Variants in TENM4 observed in about 807,000 individuals in gnomAD.
TENM4 encodes the protein teneurin-4.
Under a neutral mutation model 243.3 loss-of-function variants are expected in TENM4, and 82 were observed. That is an observed-to-expected ratio of 0.34 (90% confidence interval 0.28 to 0.40). The LOEUF (loss-of-function observed/expected upper bound fraction) is 0.40, where lower values mean the gene tolerates loss of function less well. Among genes scored for constraint, TENM4 ranks in the 10% least tolerant of loss-of-function variants. The pLI is 1.00. For synonymous variants in TENM4, 1,412 were observed against 1,456.3 expected (o/e 0.97, Z 0.69); for missense variants, 3,138 against 3,673.3 (o/e 0.85, Z 3.77).
intron 2 of TENM4, among the ~76,000 whole-genome samples, chr11:79,295,397 G>A (rs940308369): frequency 6.6e-6 from 1 of 152,160 alleles, no homozygotes; most frequent in African/African-American, 2.4e-5. Flanking sequence ...GAAAGGGTTT[G>A]CACACACACA....
At chr11:78,809,040 T>G (rs1316817543) in intron 14 of TENM4, among the ~76,000 whole-genome samples, 2 of 152,216 alleles carry the variant, frequency 1.3e-5, no homozygotes, top group Non-Finnish European at 2.9e-5. Flanking sequence ...TGAAACTGTC[T>G]CTGAGAATCC....
chr11:79,137,905 G>C, intron 4 of TENM4, among the ~76,000 whole-genome samples: 1 of 151,986 alleles, frequency 6.6e-6, no homozygotes, highest in East Asian at 1.9e-4. Flanking sequence ...ATGGGTTCAG[G>C]TTGACAAGGG....
At chr11:79,105,221 A>C (rs1861337430) in intron 4 of TENM4, among the ~76,000 whole-genome samples, 1 of 152,216 alleles carries the variant, frequency 6.6e-6, no homozygotes, top group Non-Finnish European at 1.5e-5. Flanking sequence ...ATTTGGCTTC[A>C]TTTGGAATTC....
At chr11:79,279,179 C>T (rs868556657) in intron 2 of TENM4, among the ~76,000 whole-genome samples, 14 of 152,182 alleles carry the variant, frequency 9.2e-5, no homozygotes, top group Admixed American at 7.9e-4. Flanking sequence ...TGGAGGATTT[C>T]CAATCTGATG....
At chr11:79,032,785 TG>T (rs1316539304) in intron 6 of TENM4, among the ~76,000 whole-genome samples, 7 of 152,310 alleles carry the variant, frequency 4.6e-5, no homozygotes, top group Non-Finnish European at 8.8e-5. Context: ...TCTCCCCTAA[TG>T]TCCCAAGGAA....
intron 1 of TENM4, among the ~76,000 whole-genome samples, chr11:79,435,383 C>A (rs893174520): frequency 6.6e-6 from 1 of 152,120 alleles, no homozygotes; most frequent in African/African-American, 2.4e-5. Flanking sequence ...TTCAAAGTGG[C>A]CCCCACAGCC....
chr11:79,109,685 A>G (rs918650404), intron 4 of TENM4, among the ~76,000 whole-genome samples: 13 of 152,254 alleles, frequency 8.5e-5, no homozygotes, highest in African/African-American at 3.1e-4. Flanking sequence ...TAACGAGTAC[A>G]TGTTTGGAAA....
chr11:79,108,164 G>A (rs1238135066), intron 4 of TENM4, among the ~76,000 whole-genome samples: 1 of 152,302 alleles, frequency 6.6e-6, no homozygotes, highest in South Asian at 2.1e-4. Flanking sequence ...AGGCCTTAGT[G>A]CCCAGTTATT....
At chr11:78,674,207 C>T (rs756036506) in intron 30 of TENM4, among the ~76,000 whole-genome samples, 3 of 152,198 alleles carry the variant, frequency 2.0e-5, no homozygotes, top group Non-Finnish European at 4.4e-5. Flanking sequence ...GCGTCCTGTG[C>T]TCGGCAGTGG....
chr11:79,064,843 G>T lies in TENM4; in HGVS notation c.388C>A (p.Arg130Ser), dbSNP rs367619898. The T allele has an allele frequency of 1.2e-5, 19 of 1,551,328 alleles. No individual in the cohort carries two copies. In the African/African-American group the frequency reaches 1.8e-4, roughly 15 times the overall value. Residue 130 changes from arginine (R) to serine (S), a missense_variant, in exon 6 of 34, where the codon CGT (arginine) becomes AGT (serine). By Grantham distance (110) the Arg-to-Ser change is moderately radical. Coordinates refer to ENST00000278550, the MANE Select transcript of TENM4 (RefSeq NM_001098816.3). ...DTVLSPEHPV[R>S]LWGRSTRSGR... Reference sequence around the variant, plus strand: ...GACCGTGTGCTCCGGCCCCACAGACGCACGGGGTGCTCAGGGGACAGCACC... The same window carrying T: ...GACCGTGTGCTCCGGCCCCACAGACTCACGGGGTGCTCAGGGGACAGCACC...
chr11:79,436,673 T>C (rs573973678), intron 1 of TENM4, among the ~76,000 whole-genome samples: 28 of 152,316 alleles, frequency 1.8e-4, no homozygotes, highest in African/African-American at 4.8e-4. Flanking sequence ...GACCAAGCAC[T>C]AGTTCTGCCC....
intron 9 of TENM4, among the ~76,000 whole-genome samples, chr11:78,870,859 T>A (rs1046437202): frequency 3.9e-5 from 6 of 152,320 alleles, no homozygotes; most frequent in Admixed American, 2.6e-4. Flanking sequence ...ACAAGGCAAG[T>A]TGTAGGGGAA....
At chr11:79,149,289 C>T (rs370972565) in intron 3 of TENM4, among the ~76,000 whole-genome samples, 1 of 152,180 alleles carries the variant, frequency 6.6e-6, no homozygotes, top group African/African-American at 2.4e-5. Context: ...CAACTCTGGG[C>T]TGGTTTATTT....
intron 20 of TENM4, among the ~76,000 whole-genome samples, chr11:78,732,959 C>A (rs1855702595): frequency 1.3e-5 from 2 of 152,156 alleles, no homozygotes; most frequent in South Asian, 4.1e-4. Context: ...GGTGTTAGAA[C>A]CCCAAGCCTG....
At chr11:78,921,939 T>A (rs1306299485) in intron 6 of TENM4, among the ~76,000 whole-genome samples, 2 of 152,192 alleles carry the variant, frequency 1.3e-5, no homozygotes, top group Non-Finnish European at 2.9e-5. Flanking sequence ...ACGAATGTCA[T>A]CTCTACCATC....
chr11:79,147,180 G>A (rs1418133129), intron 4 of TENM4, among the ~76,000 whole-genome samples: 2 of 151,988 alleles, frequency 1.3e-5, no homozygotes, highest in South Asian at 2.1e-4. Flanking sequence ...TCACACAAAG[G>A]CACATATATT....
chr11:79,423,843 T>C (rs142581938), intron 1 of TENM4, among the ~76,000 whole-genome samples: 38 of 152,068 alleles, frequency 2.5e-4, no homozygotes, highest in Non-Finnish European at 4.4e-4. Flanking sequence ...ATAATCACAA[T>C]ACTTCTAGTC....
At chr11:78,938,189 C>A (rs1182105515) in intron 6 of TENM4, among the ~76,000 whole-genome samples, 2 of 152,252 alleles carry the variant, frequency 1.3e-5, no homozygotes, top group African/African-American at 4.8e-5. Flanking sequence ...CCTGCTGCAG[C>A]TTTAAATGAC....
intron 1 of TENM4, among the ~76,000 whole-genome samples, chr11:79,436,832 T>C (rs1034814926): frequency 3.9e-5 from 6 of 151,958 alleles, no homozygotes; most frequent in Admixed American, 6.6e-5. Flanking sequence ...AAACCAAAGC[T>C]CTCCGTCCCT....
Sources: allele counts gnomAD v4.1 joint callset (sites outside exome capture counted in the v4.1 genomes callset), GRCh38; gene constraint gnomAD v4.1.1; transcripts MANE v1.5; gene names NCBI Gene and HGNC (gene_info 2026-07-23, HGNC 2026-07-21).